PCDHB8: variants seen among roughly 807,000 people sequenced by gnomAD.
PCDHB8 encodes protocadherin beta-8.
For synonymous variants in PCDHB8, 385 were observed against 448.5 expected, an observed-to-expected ratio of 0.86 and a Z score of 1.79; for missense variants, 836 against 1,004.0, an observed-to-expected ratio of 0.83 and a Z score of 2.26.
rs781941266 is a variant in PCDHB8, at chr5:141,180,197, C to G, written c.2163C>G (p.Ala721=). Residue 721 remains alanine (A), a synonymous_variant, in exon 1 of 1, where the codon GCC becomes GCG. Transcript: ENST00000239444. ...AVLLCRRSRA[A]SVGRCSVPEG... The stretch of plus-strand genomic sequence containing the variant: ...TGCTGTGTAGGAGGAGCAGGGCGGC[C>G]TCGGTGGGTCGCTGCTCAGTGCCTG... The G allele has an allele frequency of 6.2e-7, 1 of 1,612,788 alleles. No individual in the cohort carries two copies. Among genetic ancestry groups the G allele is most frequent in the Admixed American group, 1.7e-5 (1 of 60,012 alleles).
In PCDHB8 at chr5:141,180,528, C is replaced by T; in HGVS notation, c.*88C>T. On this transcript the variant is annotated 3_prime_UTR_variant, in exon 1 of 1. Transcript: ENST00000239444. ...TTAGCATAAATTTTAAATTACACTA[C>T]ATTTGCCCATAGTATTTGTCTTGTT... is the stretch of plus-strand genomic sequence containing the variant. 4.0e-6 allele frequency: 4 copies of T among 1,003,500 alleles called. No homozygotes were observed. The highest frequency in any genetic ancestry group is 2.8e-6 in the Non-Finnish European group (2 of 711,458). 62.2% of individuals were successfully genotyped at this position (1,003,500 alleles called of 1,614,324 possible).
At position 141,179,700 on chromosome 5, in the gene PCDHB8, A is replaced by G; in HGVS notation, c.1666A>G (p.Asn556Asp). Reference sequence around the variant, plus strand: ...GGTGCGCGTGCTGGTGCTGGACGCCAACGACAACTCGCCCTTCGTGCTGTA... The same window carrying G: ...GGTGCGCGTGCTGGTGCTGGACGCCGACGACAACTCGCCCTTCGTGCTGTA... ...ALVRVLVLDA[N>D]DNSPFVLYPL... Residue 556 changes from asparagine (N) to aspartate (D), a missense_variant, in exon 1 of 1, where the codon AAC becomes GAC. Coordinates refer to ENST00000239444, the MANE Select transcript of PCDHB8 (RefSeq NM_019120.5). The G allele has an allele frequency of 6.2e-7, 1 of 1,612,226 alleles. No individual in the cohort carries two copies. Among genetic ancestry groups the G allele is most frequent in the African/African-American group, 1.3e-5 (1 of 75,000 alleles).
rs144407898 is a variant in PCDHB8, at chr5:141,179,083, T to A, written c.1049T>A (p.Met350Lys). The A allele has an allele frequency of 2.0e-5, 32 of 1,614,112 alleles. No homozygotes were observed. The African/African-American group carries it at 3.2e-4, about 16-fold the overall frequency. Residue 350 changes from methionine (M) to lysine (K), a missense_variant, in exon 1 of 1, where the codon ATG becomes AAG. Transcript: ENST00000239444. ...AACGACCATGCCCCAGAAGTTACCA[T>A]GTCTGCATTTACCAGCCCAATACCT... ...DVNDHAPEVT[M>K]SAFTSPIPEN...
chr5:141,178,991 T>C lies in PCDHB8; in HGVS notation c.957T>C (p.Asn319=), dbSNP rs140952025. 1.2e-6 allele frequency: 2 copies of C among 1,614,214 alleles called. No individual in the cohort carries two copies. The highest frequency in any genetic ancestry group is 1.7e-6 in the Non-Finnish European group (2 of 1,180,048). Residue 319 remains asparagine, a synonymous_variant, in exon 1 of 1, where the codon AAT becomes AAC. Coordinates refer to ENST00000239444, the MANE Select transcript of PCDHB8 (RefSeq NM_019120.5). ...AAAAATTTCAGTCCTATGAAGTCAA[T>C]ATCGAGGCGAGAGATGCTGGAGGCT... The part of the protein sequence containing the change: ...DFEKFQSYEV[N]IEARDAGGFS...
In PCDHB8 at chr5:141,180,190, G is replaced by C; in HGVS notation, c.2156G>C (p.Arg719Thr). 6.2e-6 allele frequency: 10 copies of C among 1,612,750 alleles called. No homozygotes were observed. Among genetic ancestry groups the C allele is most frequent in the Non-Finnish European group, 7.6e-6 (9 of 1,179,966 alleles). ...FVAVLLCRRSRAASVGRCSVP... is the reference protein window; with the variant it reads ...FVAVLLCRRSTAASVGRCSVP... ...GCGGTGCTGCTGTGTAGGAGGAGCAGGGCGGCCTCGGTGGGTCGCTGCTCA... is the reference window on the plus strand; with the variant it reads ...GCGGTGCTGCTGTGTAGGAGGAGCACGGCGGCCTCGGTGGGTCGCTGCTCA... Residue 719 changes from arginine (R) to threonine (T), a missense_variant, in exon 1 of 1, where the codon AGG becomes ACG. Coordinates refer to ENST00000239444, the MANE Select transcript of PCDHB8 (RefSeq NM_019120.5).
At position 141,179,508 on chromosome 5, in the gene PCDHB8, C is replaced by T; in HGVS notation, c.1474C>T (p.Leu492=). 1.2e-6 allele frequency: 2 copies of T among 1,613,532 alleles called. No individual in the cohort carries two copies. The highest frequency in any genetic ancestry group is 2.2e-5 in the East Asian group (1 of 44,892). The change falls in exon 1 of 1, where the codon CTG becomes TTG. Residue 492 remains leucine (L), a synonymous_variant. Coordinates refer to ENST00000239444, the MANE Select transcript of PCDHB8 (RefSeq NM_019120.5). ...CAACGCCCAGGTCACCTACTCGCTG[C>T]TGCCGCCCCAGGATCCGCACCTGCC... is the stretch of plus-strand genomic sequence containing the variant. The part of the protein sequence containing the change: ...GTNAQVTYSL[L]PPQDPHLPLA...
rs1305855345 is a variant in PCDHB8 at position 141,180,238 on chromosome 5, G to A, written c.2204G>A (p.Gly735Glu). Residue 735 changes from glycine (G) to glutamate (E), a missense_variant, in exon 1 of 1, where the codon GGG (glycine) becomes GAG (glutamate). Coordinates refer to ENST00000239444, the MANE Select transcript of PCDHB8 (RefSeq NM_019120.5). The stretch of plus-strand genomic sequence containing the variant: ...TCAGTGCCTGAGGGCCCCTTTCCAG[G>A]GCATCTGGTGGACGTGAGGGGCACC... ...RCSVPEGPFPGHLVDVRGTGS... is the reference protein window; with the variant it reads ...RCSVPEGPFPEHLVDVRGTGS... 3 of 1,613,398 alleles carry A rather than the reference G, an allele frequency of 1.9e-6. No individual in the cohort carries two copies. Among genetic ancestry groups the A allele is most frequent in the Non-Finnish European group, 2.5e-6 (3 of 1,179,966 alleles).
At position 141,179,980 on chromosome 5, in the gene PCDHB8, G is replaced by T; in HGVS notation, c.1946G>T (p.Gly649Val). The part of the protein sequence containing the change: ...QRLVVLVKDN[G>V]EPPCSATATL... ...CTGGTGGTGCTGGTCAAGGACAATGGCGAGCCTCCGTGCTCGGCCACCGCC... is the reference window on the plus strand; with the variant it reads ...CTGGTGGTGCTGGTCAAGGACAATGTCGAGCCTCCGTGCTCGGCCACCGCC... The change falls in exon 1 of 1, where the codon GGC becomes GTC. Residue 649 changes from glycine to valine, a missense_variant. By Grantham distance (109) the Gly-to-Val change is moderately radical. Transcript: ENST00000239444. The T allele has an allele frequency of 6.2e-7, 1 of 1,608,640 alleles. No homozygotes were observed. Among genetic ancestry groups the T allele is most frequent in the Non-Finnish European group, 8.5e-7 (1 of 1,179,694 alleles).
At position 141,179,319 on chromosome 5, in the gene PCDHB8, A is replaced by G; in HGVS notation, c.1285A>G (p.Thr429Ala). The change falls in exon 1 of 1, where the codon ACA becomes GCA. Residue 429 changes from threonine to alanine, a missense_variant. Thr to Ala is a moderately conservative substitution (Grantham distance 58). Transcript: ENST00000239444. The stretch of plus-strand genomic sequence containing the variant: ...CACTATCACCGTCACTGACTTAGGG[A>G]CACCCAGGCTGACAACACATCTCAA... ...NVTITVTDLG[T>A]PRLTTHLNMT... The G allele has an allele frequency of 6.2e-7, 1 of 1,614,246 alleles. No homozygotes were observed. Among genetic ancestry groups the G allele is most frequent in the African/African-American group, 1.3e-5 (1 of 75,058 alleles).
Position 141,179,997 on chromosome 5 carries a change from G to A in PCDHB8, c.1963G>A (p.Ala655Thr). The A allele has an allele frequency of 1.2e-6, 2 of 1,608,560 alleles. No homozygotes were observed. Among genetic ancestry groups the A allele is most frequent in the Non-Finnish European group, 1.7e-6 (2 of 1,179,738 alleles). Reference protein sequence around the residue: ...VKDNGEPPCSATATLHVLLVD... With the variant: ...VKDNGEPPCSTTATLHVLLVD... ...GGACAATGGCGAGCCTCCGTGCTCG[G>A]CCACCGCCACGCTGCACGTGCTCCT... Residue 655 changes from alanine (A) to threonine (T), a missense_variant, in exon 1 of 1, where the codon GCC (alanine) becomes ACC (threonine). Transcript: ENST00000239444.
In PCDHB8 at chr5:141,179,646, G is replaced by T. The variant is rs1203459780; in HGVS notation, c.1612G>T (p.Gly538Cys). The change falls in exon 1 of 1, where the codon GGC becomes TGC. Residue 538 changes from glycine (G) to cysteine (C), a missense_variant. Gly to Cys is a radical substitution (Grantham distance 159). Coordinates refer to ENST00000239444, the MANE Select transcript of PCDHB8 (RefSeq NM_019120.5). ...GTTCCGGGTGGGCGCTTCAGACCGC[G>T]GCTCCCCGGCTTTGAGCAGCGAGGC... ...FEFRVGASDR[G>C]SPALSSEALV... 1 of 1,612,834 alleles carries T rather than the reference G, an allele frequency of 6.2e-7. No homozygotes were observed. The highest frequency in any genetic ancestry group is 1.3e-5 in the African/African-American group (1 of 75,016).
Position 141,179,458 on chromosome 5 carries a change from G to A in PCDHB8, c.1424G>A (p.Ser475Asn), listed in dbSNP as rs782485843. The A allele has an allele frequency of 1.1e-5, 18 of 1,613,828 alleles. No individual in the cohort carries two copies. The African/African-American group carries it at 2.3e-4, about 20-fold the overall frequency. ...CCCGCCCTGCACATCGGCAGCGTCA[G>A]CGCCACAGACAGAGACTCGGGCACC... ...NSPALHIGSVSATDRDSGTNA... is the reference protein window; with the variant it reads ...NSPALHIGSVNATDRDSGTNA... The change falls in exon 1 of 1, where the codon AGC (serine) becomes AAC (asparagine). Residue 475 changes from serine (S) to asparagine (N), a missense_variant. Transcript: ENST00000239444.
Position 141,179,536 on chromosome 5 carries a change from T to A in PCDHB8, c.1502T>A (p.Leu501His). Reference protein sequence around the residue: ...LLPPQDPHLPLASLVSINTDN... With the variant: ...LLPPQDPHLPHASLVSINTDN... ...CCGCCCCAGGATCCGCACCTGCCCC[T>A]CGCCTCCCTGGTCTCCATCAACACA... Residue 501 changes from leucine (L) to histidine (H), a missense_variant, in exon 1 of 1, where the codon CTC becomes CAC. By Grantham distance (99) the Leu-to-His change is moderately conservative. Coordinates refer to ENST00000239444, the MANE Select transcript of PCDHB8 (RefSeq NM_019120.5). 1 of 1,613,672 alleles carries A rather than the reference T, an allele frequency of 6.2e-7. No individual in the cohort carries two copies. The highest frequency in any genetic ancestry group is 1.1e-5 in the South Asian group (1 of 91,054).
chr5:141,180,293 G>A lies in PCDHB8; in HGVS notation c.2259G>A (p.Glu753=), dbSNP rs148668212. The A allele has an allele frequency of 1.9e-6, 3 of 1,613,958 alleles. No homozygotes were observed. The highest frequency in any genetic ancestry group is 1.7e-5 in the Admixed American group (1 of 60,010). ...GCCTGTCTCAGAACTATCAGTACGA[G>A]GTGTGCCTGGCAGGAGGCTCAGGGA... ...TGSLSQNYQY[E]VCLAGGSGTN... is the part of the protein sequence containing the mutation. The change falls in exon 1 of 1, where the codon GAG becomes GAA. Residue 753 remains glutamate (E), a synonymous_variant. Coordinates refer to ENST00000239444, the MANE Select transcript of PCDHB8 (RefSeq NM_019120.5).
chr5:141,180,323 T>C lies in PCDHB8; in HGVS notation c.2289T>C (p.Asn763=). The change falls in exon 1 of 1, where the codon AAT becomes AAC. Residue 763 remains asparagine (N), a synonymous_variant. Transcript: ENST00000239444. ...EVCLAGGSGT[N]EFQLLKPVLP... Reference sequence around the variant, plus strand: ...GCCTGGCAGGAGGCTCAGGGACGAATGAGTTCCAGCTCCTGAAACCAGTAT... The same window carrying C: ...GCCTGGCAGGAGGCTCAGGGACGAACGAGTTCCAGCTCCTGAAACCAGTAT... 6.2e-7 allele frequency: 1 copy of C among 1,614,102 alleles called. No individual in the cohort carries two copies. The highest frequency in any genetic ancestry group is 1.3e-5 in the African/African-American group (1 of 75,048).
rs1554281728 is a variant in PCDHB8, at chr5:141,180,424, G to A, written c.2390G>A (p.Ser797Asn). 1.9e-6 allele frequency: 3 copies of A among 1,585,238 alleles called. No homozygotes were observed. In the African/African-American group the frequency reaches 4.1e-5, roughly 21 times the overall value. ...AACTTTAGGAATGGCTTTGGTTTCA[G>A]CCTTCAGTTAAAGTAATTGATTTCA... is the stretch of plus-strand genomic sequence containing the variant. ...NSNFRNGFGF[S>N]LQLK Residue 797 changes from serine to asparagine, a missense_variant, in exon 1 of 1, where the codon AGC becomes AAC. Physicochemically the swap from Ser to Asn is conservative, Grantham distance 46. Coordinates refer to ENST00000239444, the MANE Select transcript of PCDHB8 (RefSeq NM_019120.5).
Position 141,179,589 on chromosome 5 carries a change from T to G in PCDHB8, c.1555T>G (p.Ser519Ala). 4 of 1,613,664 alleles carry G rather than the reference T, an allele frequency of 2.5e-6. No homozygotes were observed. The highest frequency in any genetic ancestry group is 3.4e-6 in the Non-Finnish European group (4 of 1,179,978). The change falls in exon 1 of 1, where the codon TCG becomes GCG. Residue 519 changes from serine to alanine, a missense_variant. By Grantham distance (99) the Ser-to-Ala change is moderately conservative. Transcript: ENST00000239444. ...TDNGHLFALR[S>A]LDYEALQAFE... ...CAACGGCCACCTGTTCGCCCTCAGGTCGCTGGACTACGAGGCCCTGCAGGC... is the reference window on the plus strand; with the variant it reads ...CAACGGCCACCTGTTCGCCCTCAGGGCGCTGGACTACGAGGCCCTGCAGGC...
chr5:141,179,417 C>T lies in PCDHB8; in HGVS notation c.1383C>T (p.Val461=). The change falls in exon 1 of 1, where the codon GTC becomes GTT. Residue 461 remains valine (V), a synonymous_variant. Coordinates refer to ENST00000239444, the MANE Select transcript of PCDHB8 (RefSeq NM_019120.5). ...CCCAAACCTCCTACACCCTGTTCGT[C>T]CGCGAGAACAACAGCCCCGCCCTGC... is the stretch of plus-strand genomic sequence containing the variant. ...AFTQTSYTLF[V]RENNSPALHI... 1.2e-6 allele frequency: 2 copies of T among 1,614,216 alleles called. No individual in the cohort carries two copies. Among genetic ancestry groups the T allele is most frequent in the Non-Finnish European group, 1.7e-6 (2 of 1,180,046 alleles).
At position 141,179,437 on chromosome 5, in the gene PCDHB8, C is replaced by T. The variant is rs782113084; in HGVS notation, c.1403C>T (p.Ala468Val). The change falls in exon 1 of 1, where the codon GCC (alanine) becomes GTC (valine). Residue 468 changes from alanine to valine, a missense_variant. Ala to Val is a moderately conservative substitution (Grantham distance 64, BLOSUM62 0). Transcript: ENST00000239444. ...TTCGTCCGCGAGAACAACAGCCCCGCCCTGCACATCGGCAGCGTCAGCGCC... is the reference window on the plus strand; with the variant it reads ...TTCGTCCGCGAGAACAACAGCCCCGTCCTGCACATCGGCAGCGTCAGCGCC... ...TLFVRENNSPALHIGSVSATD... is the reference protein window; with the variant it reads ...TLFVRENNSPVLHIGSVSATD... 2 of 1,614,022 alleles carry T rather than the reference C, an allele frequency of 1.2e-6. No homozygotes were observed. Among genetic ancestry groups the T allele is most frequent in the African/African-American group, 2.7e-5 (2 of 74,952 alleles).
Sources: allele counts gnomAD v4.1 joint callset, GRCh38; gene constraint gnomAD v4.1.1; transcripts MANE v1.5; gene names NCBI Gene and HGNC (gene_info 2026-07-23, HGNC 2026-07-21).